The following CCDC146 variants were observed in gnomAD, a reference collection of about 807,000 sequenced individuals.
CCDC146 encodes coiled-coil domain-containing protein 146.
Under a neutral mutation model 119.3 loss-of-function variants are expected in CCDC146, and 92 were observed. That is an observed-to-expected ratio of 0.77 (90% CI 0.65 to 0.92). The LOEUF (loss-of-function observed/expected upper bound fraction) is 0.92, where lower values mean the gene tolerates loss of function less well. CCDC146 is among the 40% of genes least tolerant of loss of function. The pLI, the probability that CCDC146 is intolerant of heterozygous loss-of-function variation, is 0.00. For missense variants in CCDC146, 1,000 were observed against 1,103.0 expected, an observed-to-expected ratio of 0.91 and a Z score of 1.32; for synonymous variants, 372 against 371.8, an observed-to-expected ratio of 1.00 and a Z score of -0.01.
rs1452647100 is a variant in CCDC146, at chr7:77,241,358, C to T, written c.240-333C>T. On this transcript the variant is annotated intron_variant, in intron 3 of 18. Transcript: ENST00000285871. ...AGGCATGAGCCATCGCGCCCGGCCA[C>T]GTTGACAGTTTTAAGAGTGCCAGTC... is the stretch of plus-strand genomic sequence containing the variant. 1.5e-4 allele frequency among the ~76,000 whole-genome samples: 14 copies of T among 94,998 alleles called. 5 individuals carry two copies. Among genetic ancestry groups the T allele is most frequent in the Non-Finnish European group, 3.0e-5 (1 of 33,756 alleles). The allele number at this position is 94,998 out of a possible 152,430, so 62.3% of individuals were successfully genotyped here. A position where few individuals can be genotyped will look rare whatever the true frequency, so the allele number is the denominator to read the frequency against.
At chr7:77,269,228 C>T (rs1793463759) in intron 9 of CCDC146, among the ~76,000 whole-genome samples, 1 of 152,090 alleles carries the variant, frequency 6.6e-6, no homozygotes, top group Non-Finnish European at 1.5e-5. Context: ...CCCTTCTACT[C>T]TTTCATTATG....
chr7:77,270,306 G>C (rs1793486219), intron 9 of CCDC146, among the ~76,000 whole-genome samples: 3 of 151,822 alleles, frequency 2.0e-5, no homozygotes, highest in Admixed American at 2.0e-4. Context: ...TGAAGCAGCA[G>C]AGGTAGGAAG....
At chr7:77,293,273 C>A in intron 18 of CCDC146, 73 bp downstream of exon 18, 2 of 1,501,292 alleles carry the variant, frequency 1.3e-6, no homozygotes, top group Non-Finnish European at 1.8e-6. Context: ...CCACAGTTAT[C>A]CCACAGTATA....
At chr7:77,236,704 A>T (rs1792743084) in intron 2 of CCDC146, among the ~76,000 whole-genome samples, 1 of 152,206 alleles carries the variant, frequency 6.6e-6, no homozygotes, top group Admixed American at 6.5e-5. Context: ...CAATTTCCAG[A>T]CAAAGAAATA....
chr7:77,148,051 GCTGTA>G (rs1791050621), intron 1 of CCDC146, among the ~76,000 whole-genome samples: 1 of 152,198 alleles, frequency 6.6e-6, no homozygotes, highest in Non-Finnish European at 1.5e-5. Flanking sequence ...GCTGTGGTGG[GCTGTA>G]CCCAGTTCGA....
intron 9 of CCDC146, 87 bp downstream of exon 9, chr7:77,262,394 G>A (rs2150517616): frequency 9.4e-7 from 1 of 1,063,906 alleles, no homozygotes; most frequent in Non-Finnish European, 1.3e-6. Context: ...TTTGCTGCCA[G>A]TAGAGAAGAA....
intron 4 of CCDC146, among the ~76,000 whole-genome samples, chr7:77,251,237 G>A (rs1019668397): frequency 1.3e-5 from 2 of 151,976 alleles, no homozygotes; most frequent in African/African-American, 4.8e-5. Flanking sequence ...GGCCAGGCTG[G>A]TCTTGAACTC....
chr7:77,261,820 C>T (rs754655946), intron 8 of CCDC146, among the ~76,000 whole-genome samples: 1 of 152,324 alleles, frequency 6.6e-6, no homozygotes, highest in South Asian at 2.1e-4. Context: ...GGCATATGTA[C>T]CACATTTTCT....
chr7:77,267,099 C>A (rs1431805717), intron 9 of CCDC146, among the ~76,000 whole-genome samples: 2 of 151,592 alleles, frequency 1.3e-5, no homozygotes, highest in Non-Finnish European at 2.9e-5. Flanking sequence ...TCAAGCAATT[C>A]TCTTGCCCTC....
At chr7:77,148,499 G>A (rs142429061) in intron 1 of CCDC146, among the ~76,000 whole-genome samples, 291 of 152,080 alleles carry the variant, frequency 1.9e-3, no homozygotes, top group African/African-American at 6.3e-3. Context: ...CTTCTGCGTC[G>A]CTCATGCTAG....
chr7:77,265,727 A>G (rs1793389294), intron 9 of CCDC146, among the ~76,000 whole-genome samples: 1 of 152,264 alleles, frequency 6.6e-6, no homozygotes, highest in African/African-American at 2.4e-5. Flanking sequence ...GCCAGAAAGA[A>G]ATCAATAAAC....
At chr7:77,147,649 G>T (rs1355606616) in intron 1 of CCDC146, among the ~76,000 whole-genome samples, 2 of 152,202 alleles carry the variant, frequency 1.3e-5, no homozygotes, top group African/African-American at 2.4e-5. Context: ...TCAGCTGCAG[G>T]TCTGTTGGAG....
intron 1 of CCDC146, among the ~76,000 whole-genome samples, chr7:77,136,778 C>T (rs1472493591): frequency 6.6e-6 from 1 of 152,106 alleles, no homozygotes; most frequent in Non-Finnish European, 1.5e-5. Context: ...CAGCATTATT[C>T]TAATGCCAAA....
intron 2 of CCDC146, among the ~76,000 whole-genome samples, chr7:77,229,805 T>G (rs939873579): frequency 6.6e-6 from 1 of 152,180 alleles, no homozygotes; most frequent in Non-Finnish European, 1.5e-5. Context: ...GACATTAAAG[T>G]TTTCTTGAGT....
At chr7:77,154,001 C>T (rs1260256010) in intron 1 of CCDC146, among the ~76,000 whole-genome samples, 1 of 151,662 alleles carries the variant, frequency 6.6e-6, no homozygotes, top group African/African-American at 2.4e-5. Context: ...ATTCATACAG[C>T]TAGGATGAAT....
intron 14 of CCDC146, 104 bp from the exon 15 acceptor site, chr7:77,282,453 C>T: frequency 1.4e-6 from 1 of 692,582 alleles, no homozygotes; most frequent in East Asian, 2.7e-5. Flanking sequence ...TGGAAGTATG[C>T]TATGTTGTGT....
In CCDC146 at chr7:77,221,008, G is replaced by A. The variant is rs75734219; in HGVS notation, c.157-15939G>A. On this transcript the variant is annotated intron_variant, in intron 2 of 18. Coordinates refer to ENST00000285871, the MANE Select transcript of CCDC146 (RefSeq NM_020879.3). The stretch of plus-strand genomic sequence containing the variant: ...ACCTCAGGGAGCTTTTACTCATGGC[G>A]GAAGGCAAAGCAGGAGCAGGCATCT... Among the ~76,000 whole-genome samples the A allele has an allele frequency of 1.4e-3, 209 of 152,288 alleles. 1 individual carries two copies. In the East Asian group the frequency reaches 0.027, roughly 20 times the overall value.
At chr7:77,123,414 G>A (rs1207359094) in intron 1 of CCDC146, among the ~76,000 whole-genome samples, 1 of 100,784 alleles carries the variant, frequency 9.9e-6, no homozygotes, top group Middle Eastern at 3.9e-3. Context: ...GTGTGTGTGT[G>A]TGTGTGTGTG....
intron 2 of CCDC146, among the ~76,000 whole-genome samples, chr7:77,235,694 G>A (rs1304382829): frequency 2.0e-5 from 3 of 152,202 alleles, no homozygotes; most frequent in African/African-American, 7.2e-5. Context: ...CAGTTAGGAG[G>A]TTTAGTAGTG....
Sources: allele counts gnomAD v4.1 joint callset (sites outside exome capture counted in the v4.1 genomes callset), GRCh38; gene constraint gnomAD v4.1.1; transcripts MANE v1.5; gene names NCBI Gene and HGNC (gene_info 2026-07-23, HGNC 2026-07-21).